Variants in GABRG3 observed in about 807,000 individuals in gnomAD.
The protein encoded by GABRG3 is gamma-aminobutyric acid type A receptor subunit gamma3.
Under a neutral mutation model 48.8 loss-of-function variants are expected in GABRG3, and 25 were observed. The observed-to-expected ratio is 0.51, with a 90% CI of 0.37 to 0.72. The LOEUF (loss-of-function observed/expected upper bound fraction) is 0.72. Ranked by LOEUF, GABRG3 falls within the 30% of genes least tolerant of loss-of-function variation. GABRG3 has a pLI of 0.00. For missense variants in GABRG3, 394 were observed against 577.9 expected, an observed-to-expected ratio of 0.68 and a Z score of 3.26; for synonymous variants, 227 against 217.6, an observed-to-expected ratio of 1.04 and a Z score of -0.38.
At chr15:27,272,972 G>A (rs949668777) in intron 3 of GABRG3, among the ~76,000 whole-genome samples, 2 of 152,146 alleles carry the variant, frequency 1.3e-5, no homozygotes, top group Non-Finnish European at 2.9e-5. Context: ...ACTCATCCCT[G>A]CACTTGTGCA....
chr15:26,988,026 C>G (rs1358944842), intron 2 of GABRG3, among the ~76,000 whole-genome samples: 1 of 152,142 alleles, frequency 6.6e-6, no homozygotes, highest in Non-Finnish European at 1.5e-5. Flanking sequence ...AGAACATACT[C>G]TGAATAACAT....
intron 3 of GABRG3, among the ~76,000 whole-genome samples, chr15:27,130,613 C>G (rs1028210160): frequency 5.3e-5 from 8 of 152,024 alleles, no homozygotes; most frequent in African/African-American, 1.7e-4. Context: ...TACATTAAAT[C>G]TATAGATCAC....
At chr15:27,086,410 AC>A (rs1897078401) in intron 3 of GABRG3, among the ~76,000 whole-genome samples, 1 of 152,116 alleles carries the variant, frequency 6.6e-6, no homozygotes, top group Non-Finnish European at 1.5e-5. Context: ...CTGAGCTTAG[AC>A]TGGGAAGTCC....
At chr15:27,466,382 G>A (rs1179666105) in intron 5 of GABRG3, among the ~76,000 whole-genome samples, 2 of 152,162 alleles carry the variant, frequency 1.3e-5, no homozygotes, top group African/African-American at 4.8e-5. Context: ...AAATAGCATT[G>A]TTCATAGAAT....
At chr15:27,155,783 C>T (rs1455874790) in intron 3 of GABRG3, among the ~76,000 whole-genome samples, 2 of 152,054 alleles carry the variant, frequency 1.3e-5, no homozygotes, top group East Asian at 3.9e-4. Flanking sequence ...ACGTGGTCTC[C>T]AACTATATCA....
At position 27,136,899 on chromosome 15, in the gene GABRG3, C is replaced by T. The variant is rs567354669; in HGVS notation, c.270+110078C>T. 6.8e-4 allele frequency among the ~76,000 whole-genome samples: 103 copies of T among 152,188 alleles called. 1 individual carries two copies. The Middle Eastern group carries it at 0.02, about 30-fold the overall frequency. On this transcript the variant is annotated intron_variant, in intron 3 of 9. Transcript: ENST00000615808. ...CTAGGGGGCTCTCTCCTGTCGCCCC[C>T]GCCTCCAGGTCACTCCTTTTATTAA...
chr15:27,317,231 C>G (rs1893262869), intron 3 of GABRG3, among the ~76,000 whole-genome samples: 1 of 152,192 alleles, frequency 6.6e-6, no homozygotes, highest in South Asian at 2.1e-4. Flanking sequence ...TCTACCCTCT[C>G]CATGGTGGCC....
intron 3 of GABRG3, among the ~76,000 whole-genome samples, chr15:27,307,365 A>C (rs1413329167): frequency 5.0e-5 from 1 of 20,072 alleles, no homozygotes; most frequent in African/African-American, 2.3e-4. Context: ...ATATATAACC[A>C]TATAGGTTTA....
At chr15:27,289,282 T>C (rs1325143095) in intron 3 of GABRG3, among the ~76,000 whole-genome samples, 1 of 152,102 alleles carries the variant, frequency 6.6e-6, no homozygotes, top group East Asian at 1.9e-4. Context: ...CTTTTTTTTT[T>C]CTGAGAATCC....
chr15:27,351,731 T>C (rs1407901572), intron 5 of GABRG3, among the ~76,000 whole-genome samples: 1 of 150,846 alleles, frequency 6.6e-6, no homozygotes, highest in African/African-American at 2.4e-5. Context: ...TGTGTATATA[T>C]ATGTGTGTAT....
intron 3 of GABRG3, among the ~76,000 whole-genome samples, chr15:27,074,821 A>G (rs1015512548): frequency 2.4e-4 from 37 of 152,242 alleles, no homozygotes; most frequent in Non-Finnish European, 5.1e-4. Context: ...GCACAGGTGG[A>G]AAGCGAATCG....
intron 5 of GABRG3, among the ~76,000 whole-genome samples, chr15:27,417,416 C>T (rs921475696): frequency 6.6e-6 from 1 of 152,182 alleles, no homozygotes; most frequent in Non-Finnish European, 1.5e-5. Flanking sequence ...TCCTTCTACC[C>T]CTGTTGGTGT....
chr15:27,449,405 A>G (rs1889043140), intron 5 of GABRG3, among the ~76,000 whole-genome samples: 1 of 152,166 alleles, frequency 6.6e-6, no homozygotes, highest in Non-Finnish European at 1.5e-5. Flanking sequence ...CCTATTTTGG[A>G]CAAGCCATTC....
intron 3 of GABRG3, among the ~76,000 whole-genome samples, chr15:27,224,201 C>T (rs2140442755): frequency 6.6e-6 from 1 of 152,322 alleles, no homozygotes; most frequent in Admixed American, 6.5e-5. Context: ...ATGTTTTCAT[C>T]CCCGGTGCTT....
At chr15:27,369,401 C>T (rs1264427696) in intron 5 of GABRG3, among the ~76,000 whole-genome samples, 2 of 152,200 alleles carry the variant, frequency 1.3e-5, no homozygotes, top group African/African-American at 4.8e-5. Flanking sequence ...GTTGAACCAA[C>T]CTGTAAACAA....
Position 27,153,011 on chromosome 15 carries a change from C to T in GABRG3, c.270+126190C>T, listed in dbSNP as rs184705196. On this transcript the variant is annotated intron_variant, in intron 3 of 9. Transcript: ENST00000615808. ...GAGTAGCTGGGACCACAGGCACCCGCCACCACTCCCGGCTAATTTTTTGTA... is the reference window on the plus strand; with the variant it reads ...GAGTAGCTGGGACCACAGGCACCCGTCACCACTCCCGGCTAATTTTTTGTA... Among the ~76,000 whole-genome samples, 482 of 152,214 alleles carry T rather than the reference C, an allele frequency of 3.2e-3. 1 individual carries two copies. Among genetic ancestry groups the T allele is most frequent in the African/African-American group, 0.011 (466 of 41,544 alleles).
intron 2 of GABRG3, among the ~76,000 whole-genome samples, chr15:26,995,474 CTGA>C (rs1895322815): frequency 6.6e-6 from 1 of 151,172 alleles, no homozygotes; most frequent in Admixed American, 6.6e-5. Flanking sequence ...TAGACTTAAT[CTGA>C]TGTTTTGCTT....
intron 5 of GABRG3, among the ~76,000 whole-genome samples, chr15:27,431,636 C>G (rs1261100454): frequency 6.6e-6 from 1 of 152,158 alleles, no homozygotes; most frequent in Non-Finnish European, 1.5e-5. Flanking sequence ...ATTCCATTTG[C>G]TGCTAGCTGT....
intron 3 of GABRG3, among the ~76,000 whole-genome samples, chr15:27,245,546 C>G (rs1326328193): frequency 7.1e-6 from 1 of 140,484 alleles, no homozygotes; most frequent in African/African-American, 2.7e-5. Context: ...CTGTTTTGCA[C>G]TGCTATTAAG....
Sources: allele counts gnomAD v4.1 joint callset (sites outside exome capture counted in the v4.1 genomes callset), GRCh38; gene constraint gnomAD v4.1.1; transcripts MANE v1.5; gene names NCBI Gene and HGNC (gene_info 2026-07-23, HGNC 2026-07-21).